Variants in MTERF4 observed in about 807,000 individuals in gnomAD.
The protein encoded by MTERF4 is transcription termination factor 4, mitochondrial.
A neutral mutation model predicts 22.5 loss-of-function variants in MTERF4; 17 were observed. The ratio of observed to expected loss-of-function variants is 0.75; its 90% CI spans 0.52 to 1.13. The LOEUF (loss-of-function observed/expected upper bound fraction) is 1.13. Among genes scored for constraint, MTERF4 ranks in the 50% most tolerant of loss-of-function variants. The pLI is 0.00. For synonymous variants in MTERF4, 165 were observed against 175.3 expected, an observed-to-expected ratio of 0.94 and a Z score of 0.47; for missense variants, 420 against 466.8, an observed-to-expected ratio of 0.90 and a Z score of 0.92.
At chr2:241,100,174 A>C (rs16843267) in intron 1 of MTERF4, among the ~76,000 whole-genome samples, 15,089 of 152,206 alleles carry the variant, frequency 0.099, 977 homozygotes, top group African/African-American at 0.18. Context: ...AAGAGGGAAA[A>C]ACTATTTCTA....
chr2:241,067,529 C>T (rs573062504), downstream of MTERF4, among the ~76,000 whole-genome samples: 1 of 152,178 alleles, frequency 6.6e-6, no homozygotes, highest in African/African-American at 2.4e-5. Flanking sequence ...ACGGGCTGGC[C>T]CACAGCGGGC....
At chr2:241,068,765 T>C (rs2062575897), downstream of MTERF4, 1 of 618,014 alleles carries the variant, frequency 1.6e-6, no homozygotes, top group South Asian at 2.0e-5. The surrounding 1 kb of genome is among the most constrained non-coding windows in gnomAD (Gnocchi z 5.3). Context: ...GCCATGAGTC[T>C]GCCCCTCGTG....
intron 4 of MTERF4, among the ~76,000 whole-genome samples, chr2:241,077,255 C>T (rs1036228259): frequency 6.6e-6 from 1 of 152,136 alleles, no homozygotes; most frequent in African/African-American, 2.4e-5. Flanking sequence ...TACCATATAC[C>T]TCATAACACA....
rs552304610 is a variant in MTERF4 at position 241,101,241 on chromosome 2, G to A, written c.21+1012C>T. ...TGCCATCTGGGGTTGATGGGAAACA[G>A]TGACAGATCATCGGGCATCAGATTC... On this transcript the variant is annotated intron_variant, in intron 1 of 3. Transcript: ENST00000391980. The A allele has an allele frequency of 3.5e-5, 16 of 461,824 alleles. 1 individual carries two copies. The highest frequency in any genetic ancestry group is 2.5e-4 in the South Asian group (16 of 64,058). The allele number at this position is 461,824 out of a possible 1,614,324, so 28.6% of individuals were successfully genotyped here. A position where few individuals can be genotyped will look rare whatever the true frequency, so the allele number is the denominator to read the frequency against.
intron 4 of MTERF4, among the ~76,000 whole-genome samples, chr2:241,078,062 A>G (rs951418080): frequency 1.3e-5 from 2 of 152,224 alleles, no homozygotes; most frequent in African/African-American, 4.8e-5. Flanking sequence ...GCCAGAAAGT[A>G]GAAACCACCA....
the MTERF4 span, chr2:241,065,159 C>A: frequency 1.1e-6 from 1 of 924,444 alleles, no homozygotes; most frequent in Non-Finnish European, 1.6e-6. Context: ...AGGTACGTGG[C>A]CAGGGACAAA....
the MTERF4 span, chr2:241,053,185 C>T: frequency 1.2e-6 from 2 of 1,610,916 alleles, no homozygotes; most frequent in Non-Finnish European, 8.5e-7. Context: ...GGAGGTGAAG[C>T]ACGCCACACT....
rs1337639025 is a variant in MTERF4 at position 241,099,618 on chromosome 2, G to A, written c.298C>T (p.Leu100=). The part of the protein sequence containing the change: ...LELERVMSSL[L]DMGFSNAHIN... ...TGGGCATTGCTGAAACCCATGTCCA[G>A]GAGGGAACTCATGACCCTCTCTAGC... is the stretch of plus-strand genomic sequence containing the variant. Residue 100 remains leucine (L), a synonymous_variant, in exon 2 of 4, where the codon CTG becomes TTG. Coordinates refer to ENST00000391980, the MANE Select transcript of MTERF4 (RefSeq NM_182501.4). The A allele has an allele frequency of 6.2e-7, 1 of 1,614,214 alleles. No homozygotes were observed. The highest frequency in any genetic ancestry group is 1.1e-5 in the South Asian group (1 of 91,078).
Position 241,078,172 on chromosome 2 carries a change from C to G in MTERF4, n.480-2490G>C, listed in dbSNP as rs555796747. On this transcript the variant is annotated intron_variant and non_coding_transcript_variant, in intron 4 of 4. Transcript: ENST00000464344. ...GGCCGAGGCGGGCAGATCACCAGGT[C>G]AGGCGTTCGAGACAAGTCTGGCCAA... Among the ~76,000 whole-genome samples, 40 of 149,702 alleles carry G rather than the reference C, an allele frequency of 2.7e-4. 1 individual carries two copies. The highest frequency in any genetic ancestry group is 9.2e-4 in the African/African-American group (36 of 39,256).
downstream of MTERF4, chr2:241,088,360 T>G: frequency 6.2e-7 from 1 of 1,606,608 alleles, no homozygotes; most frequent in East Asian, 2.2e-5. Flanking sequence ...CTCTAATTAT[T>G]TCAGGAAACA....
downstream of MTERF4, among the ~76,000 whole-genome samples, chr2:241,067,529 C>CCACAGCGGGCTCTGCAGCCGTCATGCT (rs369464435): frequency 2.0e-5 from 3 of 152,178 alleles, no homozygotes; most frequent in East Asian, 1.9e-4. Context: ...ACGGGCTGGC[C>CCACAGCGGGCTCTGCAGCCGTCATGCT]CACAGCGGGC....
chr2:241,077,323 A>G (rs987011216), intron 4 of MTERF4, among the ~76,000 whole-genome samples: 3 of 152,224 alleles, frequency 2.0e-5, no homozygotes, highest in Non-Finnish European at 4.4e-5. Flanking sequence ...AAACTCTTAG[A>G]AGAAAACATA....
At chr2:241,047,280 C>T in the MTERF4 span, among the ~76,000 whole-genome samples, 4 of 151,382 alleles carry the variant, frequency 2.6e-5, no homozygotes, top group East Asian at 1.9e-4. Flanking sequence ...CCTTTTATAA[C>T]GATAGAGGGG....
the MTERF4 span, chr2:241,053,133 C>G: frequency 6.2e-7 from 1 of 1,602,030 alleles, no homozygotes; most frequent in Non-Finnish European, 8.5e-7. Context: ...CCGTGCGAGA[C>G]AGGCTGCCGT....
At chr2:241,097,536 C>T in intron 2 of MTERF4, 109 bp from the exon 3 acceptor site, 2 of 1,056,344 alleles carry the variant, frequency 1.9e-6, no homozygotes, top group East Asian at 2.4e-5. Context: ...CAAGGATCCT[C>T]TCCTTCCACA....
At position 241,099,759 on chromosome 2, in the gene MTERF4, C is replaced by CA; in HGVS notation, c.156dup (p.Glu53Ter). The CA allele has an allele frequency of 6.2e-7, 1 of 1,614,190 alleles. No individual in the cohort carries two copies. Among genetic ancestry groups the CA allele is most frequent in the Non-Finnish European group, 8.5e-7 (1 of 1,180,034 alleles). Reference sequence around the variant, plus strand: ...TTGGATCTAACACAAGATAACTCCTCAATGACCCCTCCATTGGAGGCTGTA... The same window carrying CA: ...TTGGATCTAACACAAGATAACTCCTCAAATGACCCCTCCATTGGAGGCTGTA... On this transcript the variant is annotated frameshift_variant, in exon 2 of 4. Coordinates refer to ENST00000391980, the MANE Select transcript of MTERF4 (RefSeq NM_182501.4). LOFTEE classifies it high-confidence loss of function.
chr2:241,099,555 G>A lies in MTERF4; in HGVS notation c.361C>T (p.Leu121Phe). 6.2e-6 allele frequency: 10 copies of A among 1,614,196 alleles called. No homozygotes were observed. The highest frequency in any genetic ancestry group is 8.5e-6 in the Non-Finnish European group (10 of 1,180,032). The change falls in exon 2 of 4, where the codon CTT (leucine) becomes TTT (phenylalanine). Residue 121 changes from leucine to phenylalanine, a missense_variant. Transcript: ENST00000391980. Reference protein sequence around the residue: ...ELLSVRRGASLQQLLDIISEF... With the variant: ...ELLSVRRGASFQQLLDIISEF... ...GAAATGATGTCCAGCAACTGTTGAA[G>A]ACTGGCACCTCGCCGTACACTGAGC...
the MTERF4 span, among the ~76,000 whole-genome samples, chr2:241,051,087 C>T: frequency 2.0e-4 from 30 of 152,276 alleles, no homozygotes; most frequent in African/African-American, 6.5e-4. The surrounding 1 kb of genome is among the most constrained non-coding windows in gnomAD (Gnocchi z 4.7). Flanking sequence ...AGGAGAGGAG[C>T]GAGCACAGTG....
At chr2:241,097,786 G>C (rs948134315) in intron 2 of MTERF4, among the ~76,000 whole-genome samples, 4 of 152,214 alleles carry the variant, frequency 2.6e-5, no homozygotes, top group African/African-American at 9.7e-5. Context: ...TGGGAGAGTA[G>C]TTTCCTCCAT....
Sources: allele counts gnomAD v4.1 joint callset (sites outside exome capture counted in the v4.1 genomes callset), GRCh38; gene constraint gnomAD v4.1.1; non-coding constraint Gnocchi (gnomAD v3.1); transcripts MANE v1.5; gene names NCBI Gene and HGNC (gene_info 2026-07-23, HGNC 2026-07-21).